The following MICAL3 variants were observed in gnomAD, a reference collection of about 807,000 sequenced individuals.
MICAL3 encodes the protein microtubule associated monooxygenase, calponin and LIM domain containing 3.
A neutral mutation model predicts 207.4 loss-of-function variants in MICAL3; 62 were observed. The ratio of observed to expected loss-of-function variants is 0.30; its 90% confidence interval spans 0.24 to 0.37. MICAL3 has a LOEUF of 0.37. MICAL3 is among the 10% of genes least tolerant of loss of function. The pLI is 1.00. For synonymous variants in MICAL3, 1,077 were observed against 1,069.3 expected, an observed-to-expected ratio of 1.01 and a Z score of -0.14; for missense variants, 2,368 against 2,635.6, an observed-to-expected ratio of 0.90 and a Z score of 2.22.
chr22:17,945,442 C>G (rs1164690176), intron 1 of MICAL3, among the ~76,000 whole-genome samples: 1 of 152,184 alleles, frequency 6.6e-6, no homozygotes, highest in African/African-American at 2.4e-5. Context: ...CCTGCACAGG[C>G]CCTGTGGGAG....
chr22:17,896,209 T>A (rs990667874), intron 9 of MICAL3, 37 bp downstream of exon 9: 1 of 1,253,538 alleles, frequency 8.0e-7, no homozygotes, highest in Admixed American at 2.0e-5. Flanking sequence ...TCTTCCCAGT[T>A]TTCTCATGAA....
chr22:17,975,318 C>G (rs1935585296), intron 1 of MICAL3, among the ~76,000 whole-genome samples: 1 of 152,006 alleles, frequency 6.6e-6, no homozygotes, highest in Non-Finnish European at 1.5e-5. Flanking sequence ...GAAAGTCACC[C>G]AAGGATCTTG....
chr22:17,863,562 CA>C, intron 19 of MICAL3: 1 of 985,434 alleles, frequency 1.0e-6, no homozygotes, highest in Non-Finnish European at 1.2e-6. Flanking sequence ...ATGGTTGAAA[CA>C]TGGCTATAAA....
Position 17,842,241 on chromosome 22 carries a change from A to G in MICAL3, c.2606-224T>C, listed in dbSNP as rs567532620. The stretch of plus-strand genomic sequence containing the variant: ...TGGCCCTGTCTGCCCTCCAGGTCAG[A>G]GCGTTCTCTCTCCTTCATCACCCTG... On this transcript the variant is annotated intron_variant, in intron 19 of 31. Transcript: ENST00000441493. The G allele has an allele frequency of 6.9e-6, 4 of 581,714 alleles. No homozygotes were observed. In the African/African-American group the frequency reaches 7.4e-5, roughly 11 times the overall value. 36.0% of individuals were successfully genotyped at this position (581,714 alleles called of 1,614,324 possible).
At chr22:17,988,983 G>T (rs971720520) in intron 1 of MICAL3, among the ~76,000 whole-genome samples, 2 of 151,982 alleles carry the variant, frequency 1.3e-5, no homozygotes. Context: ...TTTACCTTCC[G>T]GCCTTTTACA....
rs192569933 is a variant in MICAL3, at chr22:17,918,829, T to C, written c.-74-11943A>G. Reference sequence around the variant, plus strand: ...TCCGATCCGTTCACTCAAAAGATACTAGTGAGCATCTATTATGGGCCGAGG... The same window carrying C: ...TCCGATCCGTTCACTCAAAAGATACCAGTGAGCATCTATTATGGGCCGAGG... On this transcript the variant is annotated intron_variant, in intron 1 of 31. Transcript: ENST00000441493. 6.5e-3 allele frequency among the ~76,000 whole-genome samples: 989 copies of C among 152,250 alleles called. 10 individuals are homozygous for C. The highest frequency in any genetic ancestry group is 0.023 in the African/African-American group (958 of 41,536).
chr22:17,893,032 C>T (rs1930510121), intron 11 of MICAL3, among the ~76,000 whole-genome samples: 1 of 152,208 alleles, frequency 6.6e-6, no homozygotes, highest in South Asian at 2.1e-4. Context: ...CACTGCTGCC[C>T]CCACTTCACA....
rs1320455099 is a variant in MICAL3, at chr22:17,805,393, A to G, written c.5650+3451T>C. Among the ~76,000 whole-genome samples the G allele has an allele frequency of 2.0e-5, 3 of 152,384 alleles. No homozygotes were observed. The East Asian group carries it at 5.8e-4, about 29-fold the overall frequency. ...AGACCAGCTTGGAAGGGATGTATTCACGTAAGAGAAGGAACATATTTGGAA... is the reference window on the plus strand; with the variant it reads ...AGACCAGCTTGGAAGGGATGTATTCGCGTAAGAGAAGGAACATATTTGGAA... On this transcript the variant is annotated intron_variant, in intron 29 of 31. Coordinates refer to ENST00000441493, the MANE Select transcript of MICAL3 (RefSeq NM_015241.3).
At chr22:17,937,650 T>C (rs1219240181) in intron 1 of MICAL3, among the ~76,000 whole-genome samples, 1 of 151,974 alleles carries the variant, frequency 6.6e-6, no homozygotes, top group African/African-American at 2.4e-5. Context: ...GAAAGAAGAG[T>C]GAAACTCCGT....
chr22:17,852,380 C>T (rs1925427219), intron 19 of MICAL3, among the ~76,000 whole-genome samples: 1 of 151,876 alleles, frequency 6.6e-6, no homozygotes, highest in Non-Finnish European at 1.5e-5. Context: ...CGATCACAGT[C>T]ACACTTCTGT....
At chr22:17,837,354 G>A (rs558990601) in intron 20 of MICAL3, among the ~76,000 whole-genome samples, 3 of 152,316 alleles carry the variant, frequency 2.0e-5, no homozygotes, top group Admixed American at 2.0e-4. Context: ...AGACAGCAAC[G>A]CCTGCCATCC....
chr22:17,790,500 G>A lies in MICAL3; in HGVS notation c.*232C>T, dbSNP rs2061815081. 1.8e-6 allele frequency: 1 copy of A among 570,472 alleles called. No homozygotes were observed. The highest frequency in any genetic ancestry group is 3.1e-6 in the Non-Finnish European group (1 of 319,858). The allele number at this position is 570,472 out of a possible 1,614,324, so 35.3% of individuals were successfully genotyped here. A position where few individuals can be genotyped will look rare whatever the true frequency, so the allele number is the denominator to read the frequency against. On this transcript the variant is annotated 3_prime_UTR_variant, in exon 32 of 32. Coordinates refer to ENST00000441493, the MANE Select transcript of MICAL3 (RefSeq NM_015241.3). Reference sequence around the variant, plus strand: ...CATACACGCCGTGCTGCTCCTCTGAGTGGGAGGTCCAGGTGGGCCTCCTCC... The same window carrying A: ...CATACACGCCGTGCTGCTCCTCTGAATGGGAGGTCCAGGTGGGCCTCCTCC...
At chr22:17,936,020 A>G (rs1396413692) in intron 1 of MICAL3, among the ~76,000 whole-genome samples, 1 of 152,212 alleles carries the variant, frequency 6.6e-6, no homozygotes, top group Non-Finnish European at 1.5e-5. Context: ...CAGTGTGGCA[A>G]TTCCTCAAGG....
At chr22:17,901,411 G>A (rs755958157) in intron 5 of MICAL3, among the ~76,000 whole-genome samples, 4 of 152,096 alleles carry the variant, frequency 2.6e-5, no homozygotes, top group Non-Finnish European at 5.9e-5. Flanking sequence ...GGTGGTTCAC[G>A]CCTGTAATCC....
intron 24 of MICAL3, among the ~76,000 whole-genome samples, chr22:17,821,728 A>G (rs2146019374): frequency 6.6e-6 from 1 of 152,292 alleles, no homozygotes; most frequent in Admixed American, 6.5e-5. Flanking sequence ...TCCTGTCAAC[A>G]CCAGGTCAGG....
chr22:17,827,979 G>A (rs1225859085), intron 21 of MICAL3, among the ~76,000 whole-genome samples, 198 bp from the exon 22 acceptor site: 2 of 151,612 alleles, frequency 1.3e-5, no homozygotes, highest in Admixed American at 6.6e-5. Context: ...AGACACACAC[G>A]CACAGTCCTT....
At chr22:17,866,724 G>A (rs938744030) in intron 17 of MICAL3, among the ~76,000 whole-genome samples, 8 of 152,022 alleles carry the variant, frequency 5.3e-5, no homozygotes, top group Non-Finnish European at 1.0e-4. Context: ...AGAATAAAAC[G>A]TTATTTCTTG....
intron 1 of MICAL3, among the ~76,000 whole-genome samples, chr22:17,970,108 G>A (rs1174591128): frequency 6.6e-6 from 1 of 152,182 alleles, no homozygotes; most frequent in Non-Finnish European, 1.5e-5. Context: ...CTGTGCCACT[G>A]TCCCCAGAGA....
intron 16 of MICAL3, chr22:17,881,419 T>C (rs1602137692): frequency 2.5e-6 from 2 of 798,336 alleles, no homozygotes; most frequent in Admixed American, 5.1e-5. Flanking sequence ...AGGCCTTTCC[T>C]TGCCCCTCCA....
Sources: allele counts gnomAD v4.1 joint callset (sites outside exome capture counted in the v4.1 genomes callset), GRCh38; gene constraint gnomAD v4.1.1; transcripts MANE v1.5; gene names NCBI Gene and HGNC (gene_info 2026-07-23, HGNC 2026-07-21).